TLN2: variants seen among roughly 807,000 people sequenced by gnomAD.
TLN2 encodes talin-2.
TLN2 carries 118 observed loss-of-function variants against 294.7 expected under a neutral mutation model. The ratio of observed to expected loss-of-function variants is 0.40; its 90% confidence interval spans 0.34 to 0.47. The LOEUF (loss-of-function observed/expected upper bound fraction) is 0.47. Among genes scored for constraint, TLN2 ranks in the 20% least tolerant of loss-of-function variants. The pLI is 0.84. For missense variants in TLN2, 3,083 were observed against 3,282.2 expected, an observed-to-expected ratio of 0.94 and a Z score of 1.48; for synonymous variants, 1,431 against 1,304.5, an observed-to-expected ratio of 1.10 and a Z score of -2.09.
chr15:62,547,681 A>G (rs1159838441), intron 1 of TLN2, among the ~76,000 whole-genome samples: 2 of 152,194 alleles, frequency 1.3e-5, no homozygotes, highest in African/African-American at 4.8e-5. Context: ...GATATTTGAA[A>G]GGTGTGGATG....
chr15:62,518,967 A>T lies in TLN2; in HGVS notation c.-237-70720A>T, dbSNP rs376446802. The stretch of plus-strand genomic sequence containing the variant: ...ATTTATTGGGCACTTTACATGTGCC[A>T]CACACAGTTCTAAGCAGGATTAGAA... On this transcript the variant is annotated intron_variant, in intron 1 of 58. Transcript: ENST00000636159. Among the ~76,000 whole-genome samples, 12 of 152,222 alleles carry T rather than the reference A, an allele frequency of 7.9e-5. No individual in the cohort carries two copies. In the East Asian group the frequency reaches 9.6e-4, roughly 12 times the overall value.
chr15:62,740,755 G>C lies in TLN2; in HGVS notation c.4011G>C (p.Leu1337=). The change falls in exon 32 of 59, where the codon CTG becomes CTC. Residue 1337 remains leucine (L), a synonymous_variant. Transcript: ENST00000636159. The part of the protein sequence containing the change: ...DPGAPNAKNL[L]AAAARAVTES... Reference sequence around the variant, plus strand: ...GAGCTCCCAATGCGAAAAATCTCCTGGCTGCAGCTGCAAGGTAGGAGTGGG... The same window carrying C: ...GAGCTCCCAATGCGAAAAATCTCCTCGCTGCAGCTGCAAGGTAGGAGTGGG... 1 of 1,614,166 alleles carries C rather than the reference G, an allele frequency of 6.2e-7. No homozygotes were observed. The highest frequency in any genetic ancestry group is 8.5e-7 in the Non-Finnish European group (1 of 1,180,034).
At chr15:62,683,434 C>G (rs1263070916) in intron 11 of TLN2, among the ~76,000 whole-genome samples, 1 of 149,310 alleles carries the variant, frequency 6.7e-6, no homozygotes, top group Non-Finnish European at 1.5e-5. Context: ...CCTGCATTCT[C>G]CCGCCTCTCA....
At chr15:62,783,433 C>T (rs1742587180) in intron 44 of TLN2, among the ~76,000 whole-genome samples, 1 of 152,206 alleles carries the variant, frequency 6.6e-6, no homozygotes, top group Non-Finnish European at 1.5e-5. Context: ...TGGCGAGGGG[C>T]TGGCACACTC....
intron 1 of TLN2, among the ~76,000 whole-genome samples, chr15:62,532,852 T>G (rs746243160): frequency 6.6e-6 from 1 of 152,176 alleles, no homozygotes; most frequent in Admixed American, 6.5e-5. Flanking sequence ...ATTATGAAGA[T>G]TAAGTACTGA....
chr15:62,460,132 C>A, intron 1 of TLN2, among the ~76,000 whole-genome samples: 1 of 152,112 alleles, frequency 6.6e-6, no homozygotes, highest in East Asian at 1.9e-4. Context: ...TAATATTTAT[C>A]AGGACCTATG....
At position 62,765,309 on chromosome 15, in the gene TLN2, C is replaced by G. The variant is rs529225408; in HGVS notation, c.5095-1012C>G. Among the ~76,000 whole-genome samples the G allele has an allele frequency of 4.0e-5, 6 of 151,818 alleles. 1 individual carries two copies. The South Asian group carries it at 1.3e-3, about 32-fold the overall frequency. ...CCTGCTCCCATCTGTCTCTGTTTCC[C>G]TTTTTCCTTTTTTTTTTTCTTTTTC... On this transcript the variant is annotated intron_variant, in intron 40 of 58. Coordinates refer to ENST00000636159, the MANE Select transcript of TLN2 (RefSeq NM_015059.3).
chr15:62,802,674 C>T (rs1174460584), intron 50 of TLN2, among the ~76,000 whole-genome samples: 3 of 152,198 alleles, frequency 2.0e-5, no homozygotes, highest in African/African-American at 7.2e-5. Flanking sequence ...AGTGTTTGTA[C>T]TAATTTACAT....
At chr15:62,491,351 T>TACACACACACACACAC (rs1166046640) in intron 1 of TLN2, among the ~76,000 whole-genome samples, 9 of 100,296 alleles carry the variant, frequency 9.0e-5, no homozygotes, top group African/African-American at 4.0e-4. Flanking sequence ...TATATATATA[T>TACACACACACACACAC]ACACACACAC....
intron 1 of TLN2, among the ~76,000 whole-genome samples, chr15:62,413,284 G>A (rs1189380869): frequency 6.6e-6 from 1 of 152,086 alleles, no homozygotes; most frequent in Non-Finnish European, 1.5e-5. Flanking sequence ...CAGAATCCAG[G>A]GATCTTATTT....
intron 34 of TLN2, among the ~76,000 whole-genome samples, chr15:62,751,346 G>A (rs1245555355): frequency 6.6e-6 from 1 of 152,162 alleles, no homozygotes; most frequent in Non-Finnish European, 1.5e-5. Context: ...AAAGGACTCT[G>A]TTTGATTTGG....
intron 54 of TLN2, chr15:62,832,802 A>T (rs2069010732): frequency 6.6e-6 from 1 of 151,174 alleles, no homozygotes; most frequent in Non-Finnish European, 1.5e-5. Context: ...TTTACCCAGG[A>T]AAAAGACAAC....
chr15:62,519,154 C>A (rs987781942), intron 1 of TLN2, among the ~76,000 whole-genome samples: 1 of 152,154 alleles, frequency 6.6e-6, no homozygotes, highest in African/African-American at 2.4e-5. Context: ...AAGGTGGAGT[C>A]CACAGTATTG....
chr15:62,694,240 G>T lies in TLN2; in HGVS notation c.1216-76G>T, dbSNP rs965182023. The T allele has an allele frequency of 1.8e-5, 24 of 1,357,986 alleles. No homozygotes were observed. The Admixed American group carries it at 4.1e-4, about 23-fold the overall frequency. 84.1% of individuals were successfully genotyped at this position (1,357,986 alleles called of 1,614,324 possible). On this transcript the variant is annotated intron_variant, in intron 13 of 58. Coordinates refer to ENST00000636159, the MANE Select transcript of TLN2 (RefSeq NM_015059.3). Reference sequence around the variant, plus strand: ...GATCCGCCCGTCTCAGCCTCCCAAAGTGCTGGGATTAGAGGCGTGAGCCAC... The same window carrying T: ...GATCCGCCCGTCTCAGCCTCCCAAATTGCTGGGATTAGAGGCGTGAGCCAC...
In TLN2 at chr15:62,504,818, G is replaced by GGTGTGTGTGTGTGTGTGTGT. The variant is rs377405417; in HGVS notation, c.-237-84859_-237-84840dup. On this transcript the variant is annotated intron_variant, in intron 1 of 58. Transcript: ENST00000636159. ...AAGGGTAACAGAAAGTAGTTGGTGG[G>GGTGTGTGTGTGTGTGTGTGT]GTGTGTGTGTGTGTGTGTGTGTGTG... Among the ~76,000 whole-genome samples, 18 of 143,618 alleles carry GGTGTGTGTGTGTGTGTGTGT rather than the reference G, an allele frequency of 1.3e-4. 1 individual carries two copies. The highest frequency in any genetic ancestry group is 4.9e-4 in the Admixed American group (7 of 14,262). The allele number at this position is 143,618 out of a possible 152,430, so 94.2% of individuals were successfully genotyped here.
Position 62,524,530 on chromosome 15 carries a change from C to A in TLN2, c.-237-65157C>A, listed in dbSNP as rs74020448. Among the ~76,000 whole-genome samples, 400 of 152,204 alleles carry A rather than the reference C, an allele frequency of 2.6e-3. 3 individuals are homozygous for A. Among genetic ancestry groups the A allele is most frequent in the African/African-American group, 9.1e-3 (380 of 41,548 alleles). On this transcript the variant is annotated intron_variant, in intron 1 of 58. Transcript: ENST00000636159. ...AAGCCAGTCGTTTCTCCTTTCTGAA[C>A]CTTGGATAGGACTTCAGATCCCTAC... is the stretch of plus-strand genomic sequence containing the variant.
intron 1 of TLN2, among the ~76,000 whole-genome samples, chr15:62,474,750 T>C (rs966225898): frequency 6.6e-6 from 1 of 152,208 alleles, no homozygotes. Context: ...TGTGTCTGAG[T>C]CGTCATTGGC....
intron 28 of TLN2, among the ~76,000 whole-genome samples, chr15:62,730,610 A>G (rs1390707391): frequency 1.3e-5 from 2 of 152,192 alleles, no homozygotes; most frequent in African/African-American, 4.8e-5. Flanking sequence ...TTTTGGGTGG[A>G]TAATATCACT....
At chr15:62,786,919 G>A (rs1027496804) in intron 45 of TLN2, among the ~76,000 whole-genome samples, 1 of 151,994 alleles carries the variant, frequency 6.6e-6, no homozygotes, top group African/African-American at 2.4e-5. Context: ...TTATTATTTT[G>A]AGCCGGGGTC....
Sources: gnomAD v4.1 joint callset for allele counts (sites outside exome capture counted in the v4.1 genomes callset) on GRCh38, gnomAD v4.1.1 for gene constraint, MANE v1.5 for transcripts, NCBI Gene and HGNC (gene_info 2026-07-23, HGNC 2026-07-21) for gene names.